The following SIGLEC5 variants were observed in gnomAD, a reference collection of about 807,000 sequenced individuals.
SIGLEC5 encodes the protein sialic acid-binding Ig-like lectin 5.
SIGLEC5 carries 34 observed loss-of-function variants against 45.9 expected under a neutral mutation model. That is an observed-to-expected ratio of 0.74 (90% CI 0.56 to 0.99). The LOEUF (loss-of-function observed/expected upper bound fraction) is 0.99, where lower values mean the gene tolerates loss of function less well. SIGLEC5 is among the 50% of genes least tolerant of loss of function. SIGLEC5 has a pLI of 0.00. For missense variants in SIGLEC5, 508 were observed against 629.6 expected (o/e 0.81, Z 2.07); for synonymous variants, 203 against 258.6 (o/e 0.79, Z 2.06).
rs1203584970 is a variant in SIGLEC5 at position 51,627,607 on chromosome 19, G to T, written c.1137C>A (p.Gly379=). The T allele has an allele frequency of 6.2e-7, 1 of 1,613,690 alleles. No homozygotes were observed. The highest frequency in any genetic ancestry group is 8.5e-7 in the Non-Finnish European group (1 of 1,179,984). The part of the protein sequence containing the change: ...EKPLEGNSSQ[G]SFKVNSSSAG... ...CTGAGCTGGAGTTGACCTTGAATGA[G>T]CCCTGGCTGCTGTTCCCCTCCAGCG... The change falls in exon 6 of 9, where the codon GGC becomes GGA. Residue 379 remains glycine, a synonymous_variant. Coordinates refer to ENST00000683636, the MANE Select transcript of SIGLEC5 (RefSeq NM_003830.4).
intron 8 of SIGLEC5, among the ~76,000 whole-genome samples, chr19:51,624,841 G>C (rs1008336034): frequency 6.6e-6 from 1 of 152,176 alleles, no homozygotes; most frequent in African/African-American, 2.4e-5. Flanking sequence ...GTGCATGCCT[G>C]TAATCCCAGC....
chr19:51,623,687 T>C (rs2122629633), intron 8 of SIGLEC5, among the ~76,000 whole-genome samples: 1 of 152,326 alleles, frequency 6.6e-6, no homozygotes, highest in South Asian at 2.1e-4. Flanking sequence ...ATGGATATAA[T>C]TGCTTTGGAA....
intron 8 of SIGLEC5, chr19:51,621,412 C>T (rs916541093): frequency 2.6e-5 from 4 of 152,166 alleles, no homozygotes; most frequent in African/African-American, 9.7e-5. Flanking sequence ...TTTGCGTGTC[C>T]TCACTTCCTC....
intron 4 of SIGLEC5, 61 bp downstream of exon 4, chr19:51,628,977 A>G: frequency 6.8e-7 from 1 of 1,470,338 alleles, no homozygotes; most frequent in Non-Finnish European, 9.4e-7. Context: ...CTGATTCTCT[A>G]CCTCTGCTCA....
chr19:51,625,924 A>C (rs745776790), intron 8 of SIGLEC5, 108 bp downstream of exon 8: 11 of 791,896 alleles, frequency 1.4e-5, no homozygotes, highest in Non-Finnish European at 2.0e-5. Context: ...ACAGGAGAGA[A>C]GAGAACTCCC....
intron 8 of SIGLEC5, among the ~76,000 whole-genome samples, chr19:51,620,471 T>A (rs1983244314): frequency 6.6e-6 from 1 of 152,118 alleles, no homozygotes; most frequent in African/African-American, 2.4e-5. Flanking sequence ...ACCAGAAAAA[T>A]CTTTAATTGT....
chr19:51,623,674 TA>T (rs1983374820), intron 8 of SIGLEC5, among the ~76,000 whole-genome samples: 1 of 152,184 alleles, frequency 6.6e-6, no homozygotes, highest in African/African-American at 2.4e-5. Flanking sequence ...GATGAGAGTA[TA>T]AATGGATATA....
In SIGLEC5 at chr19:51,611,440, G is replaced by T. The variant is rs1402360597; in HGVS notation, c.*791C>A. Reference sequence around the variant, plus strand: ...CAGTGTGGTATGAACCAGCATGAAAGGCTTAAGGAAGGGTTAGGCAAGAGG... The same window carrying T: ...CAGTGTGGTATGAACCAGCATGAAATGCTTAAGGAAGGGTTAGGCAAGAGG... On this transcript the variant is annotated 3_prime_UTR_variant, in exon 9 of 9. Coordinates refer to ENST00000683636, the MANE Select transcript of SIGLEC5 (RefSeq NM_003830.4). 6.6e-6 allele frequency among the ~76,000 whole-genome samples: 1 copy of T among 152,186 alleles called. No individual in the cohort carries two copies. Among genetic ancestry groups the T allele is most frequent in the African/African-American group, 2.4e-5 (1 of 41,434 alleles).
At chr19:51,623,883 C>T (rs1228157963) in intron 8 of SIGLEC5, among the ~76,000 whole-genome samples, 3 of 152,064 alleles carry the variant, frequency 2.0e-5, no homozygotes, top group African/African-American at 4.8e-5. Context: ...GTGATAGACA[C>T]AATCATAAAA....
intron 3 of SIGLEC5, 86 bp from the exon 4 acceptor site, chr19:51,629,162 A>G (rs1983628926): frequency 6.5e-7 from 1 of 1,549,150 alleles, no homozygotes; most frequent in Non-Finnish European, 8.8e-7. Context: ...GGAGCCACAG[A>G]AACCCACCAA....
chr19:51,629,429 TTGGTGCCA>T lies in SIGLEC5; in HGVS notation c.621_628del (p.His207GlnfsTer61), dbSNP rs1422862708. ...TTGGCGTTTCATCTGACAGGTGAGG[TTGGTGCCA>T]TGGTCCTCGGGCCTGGGGGTGAGGG... On this transcript the variant is annotated frameshift_variant, in exon 3 of 9. Coordinates refer to ENST00000683636, the MANE Select transcript of SIGLEC5 (RefSeq NM_003830.4). LOFTEE classifies it high-confidence loss of function. 6.2e-7 allele frequency: 1 copy of T among 1,613,338 alleles called. No homozygotes were observed. Among genetic ancestry groups the T allele is most frequent in the Non-Finnish European group, 8.5e-7 (1 of 1,179,876 alleles).
chr19:51,621,496 A>C (rs1983278566), intron 8 of SIGLEC5: 1 of 152,246 alleles, frequency 6.6e-6, no homozygotes, highest in African/African-American at 2.4e-5. Flanking sequence ...ATACATCTGC[A>C]GAGTATACAT....
chr19:51,617,147 C>T (rs1284294869), intron 8 of SIGLEC5, among the ~76,000 whole-genome samples: 1 of 150,250 alleles, frequency 6.7e-6, no homozygotes, highest in Non-Finnish European at 1.5e-5. Flanking sequence ...CCCAACTACT[C>T]GGAGGGCTGA....
chr19:51,622,289 G>A (rs1426904028), intron 8 of SIGLEC5, among the ~76,000 whole-genome samples: 5 of 150,988 alleles, frequency 3.3e-5, no homozygotes, highest in Admixed American at 6.6e-5. Flanking sequence ...CCACCACCAC[G>A]CCTGGCTAAT....
In SIGLEC5 at chr19:51,611,945, T is replaced by C. The variant is rs551206708; in HGVS notation, c.*286A>G. ...ACCCATGTTGGTTGATTTCCATGTGTTGATTTCTTTAATGTTCACAACAAC... is the reference window on the plus strand; with the variant it reads ...ACCCATGTTGGTTGATTTCCATGTGCTGATTTCTTTAATGTTCACAACAAC... On this transcript the variant is annotated 3_prime_UTR_variant, in exon 9 of 9. Transcript: ENST00000683636. 2 of 202,680 alleles carry C rather than the reference T, an allele frequency of 9.9e-6. No homozygotes were observed. The highest frequency in any genetic ancestry group is 4.6e-5 in the African/African-American group (2 of 43,266). 12.6% of individuals were successfully genotyped at this position (202,680 alleles called of 1,614,324 possible).
chr19:51,625,298 T>G, intron 8 of SIGLEC5, among the ~76,000 whole-genome samples: 1 of 152,194 alleles, frequency 6.6e-6, no homozygotes, highest in East Asian at 1.9e-4. Context: ...AGAAACAGGC[T>G]GAAGTGGCCA....
intron 8 of SIGLEC5, among the ~76,000 whole-genome samples, chr19:51,618,924 A>C (rs1018532033): frequency 2.0e-5 from 3 of 152,202 alleles, no homozygotes; most frequent in Non-Finnish European, 4.4e-5. Context: ...AGTACATCAA[A>C]TATAAGAAAC....
intron 8 of SIGLEC5, among the ~76,000 whole-genome samples, chr19:51,619,509 T>C (rs1218590823): frequency 6.6e-6 from 1 of 152,226 alleles, no homozygotes; most frequent in African/African-American, 2.4e-5. Flanking sequence ...CCAAAAAGCA[T>C]CTACTTAGAA....
At chr19:51,617,971 A>C (rs1450695162) in intron 8 of SIGLEC5, among the ~76,000 whole-genome samples, 1 of 150,150 alleles carries the variant, frequency 6.7e-6, no homozygotes, top group Non-Finnish European at 1.5e-5. Flanking sequence ...AGAGATATTA[A>C]TTTTTTTTTG....
Sources: gnomAD v4.1 joint callset for allele counts (sites outside exome capture counted in the v4.1 genomes callset) on GRCh38, gnomAD v4.1.1 for gene constraint, MANE v1.5 for transcripts, NCBI Gene and HGNC (gene_info 2026-07-23, HGNC 2026-07-21) for gene names.